MMEL1: variants seen among roughly 807,000 people sequenced by gnomAD.
The protein encoded by MMEL1 is membrane metallo-endopeptidase-like 1.
MMEL1 carries 98 observed loss-of-function variants against 117.1 expected under a neutral mutation model. The observed-to-expected ratio is 0.84, with a 90% CI of 0.71 to 0.99. The LOEUF (loss-of-function observed/expected upper bound fraction) is 0.99. MMEL1 is among the 50% of genes least tolerant of loss of function. The probability of loss-of-function intolerance (pLI) is 0.00; values close to 1 mark genes in which losing one functional copy is unlikely to be tolerated. For missense variants in MMEL1, 1,014 were observed against 1,049.1 expected, an observed-to-expected ratio of 0.97 and a Z score of 0.46; for synonymous variants, 390 against 415.1, an observed-to-expected ratio of 0.94 and a Z score of 0.74.
Position 2,597,074 on chromosome 1 carries a change from C to G in MMEL1, c.1273-385G>C, listed in dbSNP as rs372638339. 2.2e-4 allele frequency among the ~76,000 whole-genome samples: 33 copies of G among 152,172 alleles called. 1 individual carries two copies. Among genetic ancestry groups the G allele is most frequent in the African/African-American group, 7.7e-4 (32 of 41,506 alleles). ...GGACCACGTCCCTCTCAGCCACCAG[C>G]TCCCAGGGCCCTGGTCTCTCCATTG... On this transcript the variant is annotated intron_variant, in intron 13 of 23. Coordinates refer to ENST00000378412, the MANE Select transcript of MMEL1 (RefSeq NM_033467.4).
rs2100936359 is a variant in MMEL1, at chr1:2,601,165, G to A, written c.1042-2375C>T. ...TGAGAATTATCAAGACACTCTTGAA[G>A]AACAAAGTTGAAATATATACTCTAT... On this transcript the variant is annotated intron_variant, in intron 11 of 23. Transcript: ENST00000378412. Among the ~76,000 whole-genome samples the A allele has an allele frequency of 2.0e-5, 3 of 152,332 alleles. No individual in the cohort carries two copies. The South Asian group carries it at 6.2e-4, about 32-fold the overall frequency.
intron 6 of MMEL1, 145 bp from the exon 7 acceptor site, chr1:2,607,214 G>T (rs1425001369): frequency 6.0e-6 from 4 of 669,014 alleles, no homozygotes; most frequent in Non-Finnish European, 1.1e-5. Context: ...CAGCCTCTGG[G>T]CCTTTACACC....
intron 3 of MMEL1, among the ~76,000 whole-genome samples, chr1:2,611,686 G>A (rs1247166984): frequency 6.6e-6 from 1 of 152,160 alleles, no homozygotes; most frequent in Non-Finnish European, 1.5e-5. Context: ...AGGGACCTGG[G>A]AGCCCCTTTA....
At chr1:2,602,359 A>T (rs1365481920) in intron 11 of MMEL1, among the ~76,000 whole-genome samples, 1 of 151,916 alleles carries the variant, frequency 6.6e-6, no homozygotes, top group Non-Finnish European at 1.5e-5. Context: ...ATGTCCCCAA[A>T]CCCTGGGCTC....
intron 13 of MMEL1, among the ~76,000 whole-genome samples, chr1:2,597,881 C>T (rs571330227): frequency 6.6e-6 from 1 of 152,354 alleles, no homozygotes; most frequent in East Asian, 1.9e-4. Context: ...GGCCTCTGCA[C>T]TGGCACTGGC....
chr1:2,591,692 G>GAGACCCTCCCCCACCCCTCCT, intron 22 of MMEL1, 59 bp from the exon 23 acceptor site: 1 of 1,254,330 alleles, frequency 8.0e-7, no homozygotes, highest in Non-Finnish European at 1.2e-6. Context: ...AGGAGGGGTG[G>GAGACCCTCCCCCACCCCTCCT]GGGAGGGTCT....
rs377734709 is a variant in MMEL1 at position 2,609,368 on chromosome 1, C to T, written c.506G>A (p.Arg169Lys). 1.2e-6 allele frequency: 2 copies of T among 1,612,220 alleles called. No homozygotes were observed. Among genetic ancestry groups the T allele is most frequent in the Non-Finnish European group, 1.7e-6 (2 of 1,179,592 alleles). The change falls in exon 6 of 24, where the codon AGG becomes AAG. Residue 169 changes from arginine to lysine, a missense_variant. Transcript: ENST00000378412. Reference protein sequence around the residue: ...AKDRPAVEKARTLYRSCMNQS... With the variant: ...AKDRPAVEKAKTLYRSCMNQS... ...GTTCATGCAGGAGCGGTACAGCGTC[C>T]TGGCCTTCTCCACAGCCGGCCGGTC...
At chr1:2,624,060 C>T (rs1470177950) in intron 2 of MMEL1, among the ~76,000 whole-genome samples, 1 of 152,146 alleles carries the variant, frequency 6.6e-6, no homozygotes, top group Non-Finnish European at 1.5e-5. Flanking sequence ...GTAGGGATGC[C>T]AAGAGGTGCA....
At chr1:2,593,744 C>G in intron 19 of MMEL1, 70 bp downstream of exon 19, 1 of 1,506,484 alleles carries the variant, frequency 6.6e-7, no homozygotes, top group Non-Finnish European at 8.9e-7. Flanking sequence ...TGGAGCGCCC[C>G]CAGGCCCCTT....
intron 4 of MMEL1, among the ~76,000 whole-genome samples, chr1:2,610,930 C>A (rs1171647196): frequency 6.6e-6 from 1 of 152,260 alleles, no homozygotes; most frequent in Non-Finnish European, 1.5e-5. Context: ...CGGTACCTGA[C>A]CCCCAATTTT....
intron 14 of MMEL1, 147 bp from the exon 15 acceptor site, chr1:2,596,254 C>T: frequency 1.3e-6 from 1 of 785,016 alleles, no homozygotes; most frequent in Non-Finnish European, 2.1e-6. Context: ...AGGTGTGGGG[C>T]CGGTGGGGGG....
chr1:2,611,194 C>G, intron 4 of MMEL1, 87 bp downstream of exon 4: 1 of 1,370,164 alleles, frequency 7.3e-7, no homozygotes, highest in Admixed American at 2.1e-5. Context: ...AGTTGCTTCC[C>G]TGGGCCTTGG....
intron 17 of MMEL1, 100 bp from the exon 18 acceptor site, chr1:2,594,543 G>C (rs1644800199): frequency 7.2e-7 from 1 of 1,384,184 alleles, no homozygotes; most frequent in South Asian, 1.2e-5. Flanking sequence ...GGCCACACCA[G>C]AGCAAGGGCC....
chr1:2,628,798 C>T (rs1374064368), intron 2 of MMEL1, among the ~76,000 whole-genome samples: 2 of 152,168 alleles, frequency 1.3e-5, no homozygotes, highest in African/African-American at 4.8e-5. Flanking sequence ...CCAGACTGGC[C>T]CCTTCCCGCC....
In MMEL1 at chr1:2,609,352, G is replaced by A; in HGVS notation, c.522C>T (p.Ser174=). The change falls in exon 6 of 24, where the codon TCC becomes TCT. Residue 174 remains serine (S), a synonymous_variant. Transcript: ENST00000378412. ...GCCCCCACTCACTCTGGTTCATGCA[G>A]GAGCGGTACAGCGTCCTGGCCTTCT... ...AVEKARTLYR[S]CMNQSVIEKR... 1 of 1,611,718 alleles carries A rather than the reference G, an allele frequency of 6.2e-7. No homozygotes were observed. Among genetic ancestry groups the A allele is most frequent in the Non-Finnish European group, 8.5e-7 (1 of 1,179,424 alleles).
At chr1:2,613,037 C>T (rs1645153668) in intron 2 of MMEL1, among the ~76,000 whole-genome samples, 1 of 152,168 alleles carries the variant, frequency 6.6e-6, no homozygotes, top group Non-Finnish European at 1.5e-5. Context: ...GTGCTAGAAG[C>T]CACAAAAATA....
chr1:2,626,017 T>C (rs2100965978), intron 2 of MMEL1, among the ~76,000 whole-genome samples: 1 of 152,280 alleles, frequency 6.6e-6, no homozygotes, highest in East Asian at 1.9e-4. Flanking sequence ...GCTGCAGCAC[T>C]ATAGCCCCTT....
intron 11 of MMEL1, among the ~76,000 whole-genome samples, chr1:2,601,088 G>A (rs78914298): frequency 0.041 from 6,190 of 152,252 alleles, 211 homozygotes; most frequent in African/African-American, 0.095. Context: ...GTGTGTGTGC[G>A]TGTATGCAAA....
intron 5 of MMEL1, 117 bp downstream of exon 5, chr1:2,609,553 G>A (rs1198596914): frequency 1.8e-5 from 27 of 1,516,408 alleles, no homozygotes; most frequent in South Asian, 8.4e-5. Flanking sequence ...TCTCCTCTGC[G>A]CCCACTGGAC....
Sources: gnomAD v4.1 joint callset for allele counts (sites outside exome capture counted in the v4.1 genomes callset) on GRCh38, gnomAD v4.1.1 for gene constraint, MANE v1.5 for transcripts, NCBI Gene and HGNC (gene_info 2026-07-23, HGNC 2026-07-21) for gene names.